The following CNDP1 variants were observed in gnomAD, a reference collection of about 807,000 sequenced individuals.
The protein encoded by CNDP1 is carnosine dipeptidase 1, also known as beta-Ala-His dipeptidase.
In CNDP1, 44 loss-of-function variants were observed where a neutral mutation model predicts 58.1. The observed-to-expected ratio is 0.76, with a 90% CI of 0.60 to 0.97. CNDP1 has a LOEUF of 0.97. Ranked by LOEUF, CNDP1 falls within the 50% of genes least tolerant of loss-of-function variation. The probability of loss-of-function intolerance (pLI) is 0.00; values close to 1 mark genes in which losing one functional copy is unlikely to be tolerated. For synonymous variants in CNDP1, 254 were observed against 252.6 expected (o/e 1.01, Z -0.05); for missense variants, 616 against 655.1 (o/e 0.94, Z 0.65).
chr18:74,559,264 C>A (rs562363833), intron 2 of CNDP1, 59 bp from the exon 3 acceptor site: 4 of 1,578,070 alleles, frequency 2.5e-6, no homozygotes, highest in African/African-American at 2.7e-5. Flanking sequence ...TCCCTTCGCT[C>A]CCCCCGCAGA....
intron 6 of CNDP1, among the ~76,000 whole-genome samples, chr18:74,570,200 AAATAAT>A (rs112491367): frequency 1.4e-5 from 1 of 70,138 alleles, no homozygotes; most frequent in Non-Finnish European, 2.6e-5. Flanking sequence ...CTCTGTCTCA[AAATAAT>A]AATAATAATA....
intron 5 of CNDP1, among the ~76,000 whole-genome samples, chr18:74,564,997 T>C (rs968952774): frequency 2.0e-5 from 3 of 152,198 alleles, no homozygotes; most frequent in Non-Finnish European, 4.4e-5. Flanking sequence ...TTAATTGGAC[T>C]TACAGTTCCA....
chr18:74,573,555 C>T (rs987079928), intron 7 of CNDP1, among the ~76,000 whole-genome samples: 7 of 152,204 alleles, frequency 4.6e-5, no homozygotes, highest in African/African-American at 7.2e-5. Flanking sequence ...ACAATTCAGA[C>T]GGAATACACC....
intron 1 of CNDP1, among the ~76,000 whole-genome samples, chr18:74,543,812 C>G (rs1253706592): frequency 6.6e-6 from 1 of 152,034 alleles, no homozygotes; most frequent in East Asian, 1.9e-4. Flanking sequence ...AGGCCAGGCA[C>G]TATGGCTCAC....
At chr18:74,556,702 C>G (rs1189375187) in intron 2 of CNDP1, among the ~76,000 whole-genome samples, 1 of 152,180 alleles carries the variant, frequency 6.6e-6, no homozygotes, top group East Asian at 1.9e-4. Context: ...CACACTTGGT[C>G]CAGGGATGTC....
At chr18:74,582,402 C>T (rs1056026056) in intron 10 of CNDP1, among the ~76,000 whole-genome samples, 2 of 152,174 alleles carry the variant, frequency 1.3e-5, no homozygotes, top group African/African-American at 4.8e-5. Context: ...CTAAAACCTA[C>T]GATAGCAGTT....
chr18:74,556,373 G>GCT lies in CNDP1; in HGVS notation c.60_61insCT (p.Glu21LeufsTer16). On this transcript the variant is annotated frameshift_variant, in exon 2 of 12. Transcript: ENST00000358821. LOFTEE classifies it high-confidence loss of function. ...TGCTGGCTGTGCTGCTGCTGCTGCT[G>GCT]GAGCGCGGCATGTTCTCCTCACCCT... 1 of 1,614,068 alleles carries GCT rather than the reference G, an allele frequency of 6.2e-7. No individual in the cohort carries two copies. The highest frequency in any genetic ancestry group is 8.5e-7 in the Non-Finnish European group (1 of 1,180,014).
rs112548584 is a variant in CNDP1, at chr18:74,580,092, T to C, written c.1168-38T>C. 1,588 of 1,583,494 alleles carry C rather than the reference T, an allele frequency of 1.0e-3. 3 individuals are homozygous for C. The highest frequency in any genetic ancestry group is 4.3e-3 in the Middle Eastern group (26 of 6,026). On this transcript the variant is annotated intron_variant, in intron 9 of 11. Transcript: ENST00000358821. ...ATATTAACTGTATGAGAGAATAACT[T>C]GACACTTTCTCTTATCATTGAAAAT...
intron 10 of CNDP1, among the ~76,000 whole-genome samples, chr18:74,582,380 A>T (rs1981811218): frequency 6.6e-6 from 1 of 152,130 alleles, no homozygotes; most frequent in African/African-American, 2.4e-5. Context: ...GAAGGTTTGA[A>T]CTCATCTCTT....
rs1469781283 is a variant in CNDP1, at chr18:74,585,287, G to A, written c.*725G>A. 1 of 151,976 alleles carries A rather than the reference G, an allele frequency of 6.6e-6. No individual in the cohort carries two copies. The highest frequency in any genetic ancestry group is 6.6e-5 in the Admixed American group (1 of 15,254). The allele number at this position is 151,976 out of a possible 1,614,324, so 9.4% of individuals were successfully genotyped here. ...CCCGTTCCTTCTTCCTGTCCCATCA[G>A]AAAAGGCCCACTCTCTCTCTATCCA... On this transcript the variant is annotated 3_prime_UTR_variant, in exon 12 of 12. Coordinates refer to ENST00000358821, the MANE Select transcript of CNDP1 (RefSeq NM_032649.6).
Position 74,556,364 on chromosome 18 carries a change from G to A in CNDP1, c.51G>A (p.Leu17=). ...RMAASLLAVL[L]LLLERGMFSS... Reference sequence around the variant, plus strand: ...CTGCGTCCCTGCTGGCTGTGCTGCTGCTGCTGCTGGAGCGCGGCATGTTCT... The same window carrying A: ...CTGCGTCCCTGCTGGCTGTGCTGCTACTGCTGCTGGAGCGCGGCATGTTCT... The change falls in exon 2 of 12, where the codon CTG becomes CTA. Residue 17 remains leucine, a synonymous_variant. Transcript: ENST00000358821. 1 of 1,614,016 alleles carries A rather than the reference G, an allele frequency of 6.2e-7. No individual in the cohort carries two copies. Among genetic ancestry groups the A allele is most frequent in the Non-Finnish European group, 8.5e-7 (1 of 1,179,970 alleles).
chr18:74,579,198 C>CCTTG (rs1599103059), intron 9 of CNDP1, among the ~76,000 whole-genome samples: 25 of 110,362 alleles, frequency 2.3e-4, no homozygotes, highest in South Asian at 1.7e-3. Context: ...TCCTTCCCTT[C>CCTTG]CCTTGCCTTC....
Position 74,545,208 on chromosome 18 carries a change from G to C in CNDP1, c.24+10517G>C, listed in dbSNP as rs1029181544. ...CAGCCTGAGGAAGCTAGTGGAGACCGATGGGAAAGCCCCGCCCTCTCCTCG... is the reference window on the plus strand; with the variant it reads ...CAGCCTGAGGAAGCTAGTGGAGACCCATGGGAAAGCCCCGCCCTCTCCTCG... On this transcript the variant is annotated intron_variant, in intron 1 of 11. Transcript: ENST00000358821. The surrounding 1 kb of genome is among the most constrained non-coding windows in gnomAD (Gnocchi z 4.1). Among the ~76,000 whole-genome samples, 3 of 152,196 alleles carry C rather than the reference G, an allele frequency of 2.0e-5. No homozygotes were observed. The highest frequency in any genetic ancestry group is 4.4e-5 in the Non-Finnish European group (3 of 68,040).
At chr18:74,578,388 A>T in intron 9 of CNDP1, 61 bp downstream of exon 9, 1 of 1,500,182 alleles carries the variant, frequency 6.7e-7, no homozygotes, top group South Asian at 1.3e-5. Context: ...AATCCCGCAC[A>T]TCACGGCTTA....
rs1981933726 is a variant in CNDP1, at chr18:74,587,142, A to G, written c.*2580A>G. ...TTGAGTTTGGTAGATGCTTTTCTGGAAAACAATGAGGCTGGGAATGTTTCT... is the reference window on the plus strand; with the variant it reads ...TTGAGTTTGGTAGATGCTTTTCTGGGAAACAATGAGGCTGGGAATGTTTCT... On this transcript the variant is annotated 3_prime_UTR_variant, in exon 12 of 12. Transcript: ENST00000358821. 1 of 152,236 alleles carries G rather than the reference A, an allele frequency of 6.6e-6. No individual in the cohort carries two copies. Among genetic ancestry groups the G allele is most frequent in the African/African-American group, 2.4e-5 (1 of 41,444 alleles). The allele number at this position is 152,236 out of a possible 1,614,324, so 9.4% of individuals were successfully genotyped here. A position where few individuals can be genotyped will look rare whatever the true frequency, so the allele number is the denominator to read the frequency against.
At chr18:74,579,120 T>C (rs1466586605) in intron 9 of CNDP1, among the ~76,000 whole-genome samples, 6 of 144,764 alleles carry the variant, frequency 4.1e-5, no homozygotes, top group South Asian at 2.4e-4. Flanking sequence ...CCCTCCCTCC[T>C]TCCTTCCTTC....
At chr18:74,568,595 G>T (rs1314875172) in intron 6 of CNDP1, among the ~76,000 whole-genome samples, 2 of 152,110 alleles carry the variant, frequency 1.3e-5, no homozygotes, top group Non-Finnish European at 2.9e-5. Flanking sequence ...GTGGGAGGGG[G>T]CGAGCTCCAG....
At chr18:74,541,765 G>T (rs1385245987) in intron 1 of CNDP1, among the ~76,000 whole-genome samples, 1 of 152,124 alleles carries the variant, frequency 6.6e-6, no homozygotes, top group African/African-American at 2.4e-5. Context: ...GCCCCACAAT[G>T]CCCCAGTGTT....
intron 2 of CNDP1, among the ~76,000 whole-genome samples, chr18:74,558,147 A>G (rs1403619492): frequency 1.3e-5 from 2 of 152,244 alleles, no homozygotes; most frequent in African/African-American, 4.8e-5. Flanking sequence ...CAGAATAGAG[A>G]GATCAAACTC....
Sources: gnomAD v4.1 joint callset for allele counts (sites outside exome capture counted in the v4.1 genomes callset) on GRCh38, gnomAD v4.1.1 for gene constraint, Gnocchi (gnomAD v3.1) non-coding constraint, MANE v1.5 for transcripts, NCBI Gene and HGNC (gene_info 2026-07-23, HGNC 2026-07-21) for gene names.